METTL24: variants seen among roughly 807,000 people sequenced by gnomAD.
METTL24 encodes methyltransferase like 24.
Under a neutral mutation model 32.7 loss-of-function variants are expected in METTL24, and 29 were observed. The ratio of observed to expected loss-of-function variants is 0.89; its 90% CI spans 0.66 to 1.21. The LOEUF (loss-of-function observed/expected upper bound fraction) is 1.21. Ranked by LOEUF, METTL24 falls within the 50% of genes most tolerant of loss-of-function variation. METTL24 has a pLI of 0.00. For synonymous variants in METTL24, 163 were observed against 179.5 expected (o/e 0.91, Z 0.73); for missense variants, 439 against 468.1 (o/e 0.94, Z 0.57).
At chr6:110,305,599 A>C (rs1379727878) in intron 3 of METTL24, among the ~76,000 whole-genome samples, 2 of 148,788 alleles carry the variant, frequency 1.3e-5, no homozygotes. Context: ...TGGTCATCAG[A>C]GAAATGCAAA....
At chr6:110,299,551 A>G (rs1771484082) in intron 3 of METTL24, among the ~76,000 whole-genome samples, 1 of 152,204 alleles carries the variant, frequency 6.6e-6, no homozygotes, top group Non-Finnish European at 1.5e-5. Context: ...TCTACTAATG[A>G]GGTAATTTGT....
chr6:110,284,356 G>A (rs989150267), intron 4 of METTL24, among the ~76,000 whole-genome samples: 5 of 152,110 alleles, frequency 3.3e-5, no homozygotes, highest in Non-Finnish European at 7.4e-5. Context: ...AAATTTTATG[G>A]TAAGTGTATT....
intron 4 of METTL24, among the ~76,000 whole-genome samples, chr6:110,272,417 C>T (rs945816502): frequency 1.2e-4 from 19 of 152,042 alleles, no homozygotes; most frequent in South Asian, 4.1e-4. Context: ...TCGTGAATTG[C>T]GCTGCCATAA....
rs1472199656 is a variant in METTL24, at chr6:110,315,455, G to C, written c.444C>G (p.Asp148Glu). Residue 148 changes from aspartate (D) to glutamate (E), a missense_variant, in exon 3 of 5, where the codon GAC becomes GAG. Physicochemically the swap from Asp to Glu is conservative, Grantham distance 45. Transcript: ENST00000338882. Reference protein sequence around the residue: ...TQIACNHMNTDSLATDSSPTH... With the variant: ...TQIACNHMNTESLATDSSPTH... ...TAGGACTAGAGTCAGTAGCCAGGCT[G>C]TCTGTATTCATGTGATTGCATGCAA... The C allele has an allele frequency of 6.2e-7, 1 of 1,614,098 alleles. No homozygotes were observed. The highest frequency in any genetic ancestry group is 8.5e-7 in the Non-Finnish European group (1 of 1,179,990).
At chr6:110,290,412 C>T (rs1393416837) in intron 4 of METTL24, among the ~76,000 whole-genome samples, 2 of 152,192 alleles carry the variant, frequency 1.3e-5, no homozygotes, top group African/African-American at 2.4e-5. Context: ...TATTCTAGAA[C>T]TTTATTTAGA....
At chr6:110,348,685 G>A (rs1052435233) in intron 1 of METTL24, among the ~76,000 whole-genome samples, 6 of 152,250 alleles carry the variant, frequency 3.9e-5, no homozygotes, top group Non-Finnish European at 7.3e-5. Context: ...CGTTCAACCA[G>A]CTCCAACTAA....
chr6:110,258,616 C>G (rs1562217608), intron 4 of METTL24, among the ~76,000 whole-genome samples: 4 of 151,976 alleles, frequency 2.6e-5, no homozygotes, highest in Admixed American at 6.6e-5. Flanking sequence ...ATGGACCTCA[C>G]AGGTTCTGGG....
intron 4 of METTL24, among the ~76,000 whole-genome samples, chr6:110,298,102 G>T (rs1771453232): frequency 6.6e-6 from 1 of 152,094 alleles, no homozygotes; most frequent in Non-Finnish European, 1.5e-5. Flanking sequence ...TGAGTCTCAG[G>T]CACACTGTTT....
intron 1 of METTL24, among the ~76,000 whole-genome samples, chr6:110,331,341 G>A (rs1470298181): frequency 2.7e-5 from 4 of 148,940 alleles, no homozygotes; most frequent in Non-Finnish European, 5.9e-5. Flanking sequence ...AAGAAAGAAT[G>A]CAGTGCAGGA....
At chr6:110,266,543 C>T (rs1770860757) in intron 4 of METTL24, among the ~76,000 whole-genome samples, 1 of 152,174 alleles carries the variant, frequency 6.6e-6, no homozygotes, top group Non-Finnish European at 1.5e-5. Context: ...CTCCTCCTTT[C>T]CTCCAGGATC....
chr6:110,265,054 TG>T lies in METTL24; in HGVS notation c.787-18795del, dbSNP rs575721475. ...AGTTAATGGGTGCAGCACACCAATA[TG>T]GCACATGTATACACATGTAACAAAC... On this transcript the variant is annotated intron_variant, in intron 4 of 4. Coordinates refer to ENST00000338882, the MANE Select transcript of METTL24 (RefSeq NM_001123364.3). 1.6e-3 allele frequency among the ~76,000 whole-genome samples: 243 copies of T among 151,070 alleles called. 2 individuals carry two copies. The highest frequency in any genetic ancestry group is 5.7e-3 in the African/African-American group (236 of 41,046).
chr6:110,283,874 A>C (rs7771030), intron 4 of METTL24, among the ~76,000 whole-genome samples: 19,537 of 152,096 alleles, frequency 0.13, 2,868 homozygotes, highest in African/African-American at 0.36. Flanking sequence ...CATTTGTACA[A>C]CCTCAGTCAC....
intron 1 of METTL24, among the ~76,000 whole-genome samples, chr6:110,347,952 C>T (rs545634094): frequency 1.3e-5 from 2 of 152,336 alleles, no homozygotes; most frequent in East Asian, 3.9e-4. Context: ...TCCAACTCCT[C>T]TGATCCCTGA....
intron 1 of METTL24, among the ~76,000 whole-genome samples, chr6:110,335,563 ATTGTTTT>A (rs1554217039): frequency 5.3e-5 from 6 of 113,648 alleles, no homozygotes; most frequent in Admixed American, 9.6e-5. Context: ...GTAGGGAATC[ATTGTTTT>A]TTTTTTTTTT....
intron 4 of METTL24, among the ~76,000 whole-genome samples, chr6:110,293,867 GT>G (rs1345072869): frequency 1.3e-5 from 2 of 151,556 alleles, no homozygotes; most frequent in African/African-American, 4.8e-5. Flanking sequence ...ATCTCAAAAT[GT>G]GCAGTTTTTT....
At chr6:110,268,850 G>T (rs907726177) in intron 4 of METTL24, among the ~76,000 whole-genome samples, 3 of 152,016 alleles carry the variant, frequency 2.0e-5, no homozygotes, top group African/African-American at 7.2e-5. Flanking sequence ...CTGCCACAAA[G>T]CCCCTCCCTG....
chr6:110,318,714 CA>C (rs1195273577), intron 2 of METTL24, among the ~76,000 whole-genome samples: 1 of 150,696 alleles, frequency 6.6e-6, no homozygotes, highest in Non-Finnish European at 1.5e-5. Flanking sequence ...AAAAATTATT[CA>C]ATTTTAACCA....
chr6:110,298,898 A>G, intron 4 of METTL24, 24 bp downstream of exon 4: 1 of 1,603,228 alleles, frequency 6.2e-7, no homozygotes, highest in Non-Finnish European at 8.5e-7. Flanking sequence ...TTATTCAAGT[A>G]TAAAATCAAA....
chr6:110,328,450 A>C (rs1423630044), intron 1 of METTL24, among the ~76,000 whole-genome samples: 1 of 152,232 alleles, frequency 6.6e-6, no homozygotes, highest in East Asian at 1.9e-4. Context: ...TATTTTGCAG[A>C]TATCTGAGAT....
Sources: gnomAD v4.1 joint callset for allele counts (sites outside exome capture counted in the v4.1 genomes callset) on GRCh38, gnomAD v4.1.1 for gene constraint, MANE v1.5 for transcripts, NCBI Gene and HGNC (gene_info 2026-07-23, HGNC 2026-07-21) for gene names.